MAPRE2: variants seen among roughly 807,000 people sequenced by gnomAD.
MAPRE2 encodes microtubule associated protein RP/EB family member 2, also known as microtubule-associated protein RP/EB family member 2.
A neutral mutation model predicts 43.2 loss-of-function variants in MAPRE2; 13 were observed. The ratio of observed to expected loss-of-function variants is 0.30; its 90% CI spans 0.20 to 0.48. The LOEUF is 0.48. MAPRE2 is among the 20% of genes least tolerant of loss of function. The pLI is 0.99. For missense variants in MAPRE2, 161 were observed against 400.2 expected (o/e 0.40, Z 5.10); for synonymous variants, 135 against 148.8 (o/e 0.91, Z 0.68).
chr18:35,133,977 C>T (rs991964856), intron 6 of MAPRE2, among the ~76,000 whole-genome samples: 2 of 152,218 alleles, frequency 1.3e-5, no homozygotes, highest in Non-Finnish European at 2.9e-5. Context: ...GTACATGCAA[C>T]TAAAATGCAA....
chr18:35,055,535 C>CTGTG (rs1321118157), intron 1 of MAPRE2, among the ~76,000 whole-genome samples: 2 of 60,226 alleles, frequency 3.3e-5, no homozygotes, highest in Non-Finnish European at 6.5e-5. Flanking sequence ...CTATTCAGTT[C>CTGTG]TCTGTGTGTG....
intron 4 of MAPRE2, among the ~76,000 whole-genome samples, chr18:35,121,713 A>C (rs964073772): frequency 6.6e-6 from 1 of 152,230 alleles, no homozygotes; most frequent in Non-Finnish European, 1.5e-5. Flanking sequence ...TTTCCACATA[A>C]GCATCATTGA....
rs562356663 is a variant in MAPRE2, at chr18:35,022,611, A to G, written c.-8+17058A>G. Reference sequence around the variant, plus strand: ...ATGAGAGGATTATATTGCCTTCTCTATGGAGGTAATACCACTTGATTCTGG... The same window carrying G: ...ATGAGAGGATTATATTGCCTTCTCTGTGGAGGTAATACCACTTGATTCTGG... On this transcript the variant is annotated intron_variant, in intron 2 of 7. Transcript: ENST00000413393. Among the ~76,000 whole-genome samples, 86 of 152,310 alleles carry G rather than the reference A, an allele frequency of 5.6e-4. 1 individual carries two copies. The highest frequency in any genetic ancestry group is 7.6e-4 in the Non-Finnish European group (52 of 68,008).
At chr18:35,097,682 A>T in intron 3 of MAPRE2, 91 bp downstream of exon 3, 1 of 1,080,198 alleles carries the variant, frequency 9.3e-7, no homozygotes, top group East Asian at 2.5e-5. Context: ...TACCAATGGG[A>T]TATATCTTGA....
chr18:35,054,437 C>T (rs980051474), intron 1 of MAPRE2, among the ~76,000 whole-genome samples: 1 of 152,198 alleles, frequency 6.6e-6, no homozygotes, highest in Non-Finnish European at 1.5e-5. Context: ...TTTCGTTTAA[C>T]ATTTATTCAT....
chr18:34,980,213 T>C (rs569151651), intron 1 of MAPRE2, among the ~76,000 whole-genome samples: 61 of 151,754 alleles, frequency 4.0e-4, no homozygotes, highest in Non-Finnish European at 7.8e-4. Context: ...TTTATAGAGA[T>C]GGGGTTTCAC....
At position 35,041,593 on chromosome 18, in the gene MAPRE2, C is replaced by T; in HGVS notation, c.54C>T (p.Ile18=). ...LSPNGENNND[I]IQDNNGTIIP... The stretch of plus-strand genomic sequence containing the variant: ...CAAATGGCGAGAACAACAACGACAT[C>T]ATCCAGGATAATAACGGGACCATCA... Residue 18 remains isoleucine (I), a synonymous_variant, in exon 1 of 7, where the codon ATC becomes ATT. Transcript: ENST00000300249. 6.2e-7 allele frequency: 1 copy of T among 1,614,246 alleles called. No homozygotes were observed. Among genetic ancestry groups the T allele is most frequent in the Non-Finnish European group, 8.5e-7 (1 of 1,180,048 alleles).
intron 4 of MAPRE2, among the ~76,000 whole-genome samples, chr18:35,121,701 GT>G (rs1288899680): frequency 6.6e-6 from 1 of 152,126 alleles, no homozygotes; most frequent in African/African-American, 2.4e-5. Context: ...TTATGTAAAT[GT>G]TTTCCACATA....
chr18:35,065,072 A>T (rs1906766346), intron 1 of MAPRE2, among the ~76,000 whole-genome samples: 2 of 152,218 alleles, frequency 1.3e-5, no homozygotes, highest in African/African-American at 4.8e-5. Context: ...AGGTGGGCAG[A>T]TGGCCTGAGG....
upstream of MAPRE2, among the ~76,000 whole-genome samples, chr18:35,036,689 T>C (rs964484919): frequency 1.3e-5 from 2 of 152,244 alleles, no homozygotes; most frequent in Non-Finnish European, 2.9e-5. Flanking sequence ...TGTGAACTTT[T>C]GGGCTAAGAA....
At chr18:35,072,780 CAAAA>C (rs897087103) in intron 2 of MAPRE2, among the ~76,000 whole-genome samples, 4 of 151,884 alleles carry the variant, frequency 2.6e-5, no homozygotes, top group African/African-American at 7.3e-5. Flanking sequence ...TTTAAAAACA[CAAAA>C]AAACCTGTAG....
chr18:35,093,211 CAAAAAAAAAAA>C (rs56833433), intron 2 of MAPRE2, among the ~76,000 whole-genome samples: 11 of 52,276 alleles, frequency 2.1e-4, no homozygotes, highest in East Asian at 1.2e-3. Context: ...GACCCTGTCT[CAAAAAAAAAAA>C]AAAAAAAAAA....
At chr18:35,106,359 T>C (rs965965063) in intron 4 of MAPRE2, among the ~76,000 whole-genome samples, 1 of 147,924 alleles carries the variant, frequency 6.8e-6, no homozygotes, top group Non-Finnish European at 1.5e-5. Flanking sequence ...AATTAGCTTA[T>C]GTCCTAACTA....
intron 2 of MAPRE2, among the ~76,000 whole-genome samples, chr18:35,025,919 T>C (rs1244467597): frequency 6.6e-6 from 1 of 152,216 alleles, no homozygotes; most frequent in Non-Finnish European, 1.5e-5. Flanking sequence ...AAATTCAATC[T>C]TACTCTTTCT....
chr18:35,035,742 C>T (rs1327875532), intron 2 of MAPRE2, among the ~76,000 whole-genome samples: 1 of 149,760 alleles, frequency 6.7e-6, no homozygotes, highest in Non-Finnish European at 1.5e-5. Context: ...TATGGGCCCA[C>T]TGAAATCACT....
intron 2 of MAPRE2, among the ~76,000 whole-genome samples, chr18:35,079,676 C>G (rs924674681): frequency 3.3e-5 from 5 of 152,172 alleles, no homozygotes; most frequent in Non-Finnish European, 5.9e-5. Flanking sequence ...TAAAGATTTA[C>G]TCACCAGTCA....
At chr18:35,107,985 G>A (rs775448311) in intron 4 of MAPRE2, among the ~76,000 whole-genome samples, 1 of 151,078 alleles carries the variant, frequency 6.6e-6, no homozygotes, top group African/African-American at 2.4e-5. Flanking sequence ...AAGTCATCCT[G>A]TTGAATTGAC....
At chr18:34,999,965 G>A (rs970459478) in intron 1 of MAPRE2, among the ~76,000 whole-genome samples, 1 of 151,928 alleles carries the variant, frequency 6.6e-6, no homozygotes, top group Non-Finnish European at 1.5e-5. Context: ...GGCGGCGGAG[G>A]CAGAGCTCTC....
chr18:35,056,444 A>G (rs116833311), intron 1 of MAPRE2, among the ~76,000 whole-genome samples: 2,766 of 152,322 alleles, frequency 0.018, 79 homozygotes, highest in African/African-American at 0.064. Context: ...AAGAAAACTT[A>G]TAATTCTTAC....
Sources: gnomAD v4.1 joint callset for allele counts (sites outside exome capture counted in the v4.1 genomes callset) on GRCh38, gnomAD v4.1.1 for gene constraint, MANE v1.5 for transcripts, NCBI Gene and HGNC (gene_info 2026-07-23, HGNC 2026-07-21) for gene names.